Variants in PCDH9 observed in about 807,000 individuals in gnomAD.
The protein encoded by PCDH9 is protocadherin-9.
A neutral mutation model predicts 70.6 loss-of-function variants in PCDH9; 24 were observed. That is an observed-to-expected ratio of 0.34 (90% CI 0.25 to 0.48). The LOEUF (loss-of-function observed/expected upper bound fraction) is 0.48. Among genes scored for constraint, PCDH9 ranks in the 20% least tolerant of loss-of-function variants. The pLI is 0.99. For synonymous variants in PCDH9, 562 were observed against 558.5 expected, an observed-to-expected ratio of 1.01 and a Z score of -0.09; for missense variants, 1,281 against 1,503.6, an observed-to-expected ratio of 0.85 and a Z score of 2.45.
intron 2 of PCDH9, among the ~76,000 whole-genome samples, chr13:67,196,058 T>A (rs1381004609): frequency 6.6e-6 from 1 of 152,198 alleles, no homozygotes; most frequent in Non-Finnish European, 1.5e-5. Flanking sequence ...GGTCACTTAA[T>A]CGGTGATAGT....
chr13:67,177,122 T>C (rs2088483513), intron 2 of PCDH9, among the ~76,000 whole-genome samples: 1 of 152,152 alleles, frequency 6.6e-6, no homozygotes, highest in Non-Finnish European at 1.5e-5. Context: ...ATTATTTCTA[T>C]GACTACTTAG....
At chr13:66,680,176 G>A (rs1235934494) in intron 3 of PCDH9, among the ~76,000 whole-genome samples, 1 of 151,876 alleles carries the variant, frequency 6.6e-6, no homozygotes, top group Admixed American at 6.6e-5. Context: ...GTTTTATATT[G>A]TGTCTATCTT....
chr13:66,444,344 ACAT>A (rs557315860), intron 4 of PCDH9, among the ~76,000 whole-genome samples: 6 of 152,162 alleles, frequency 3.9e-5, no homozygotes, highest in Non-Finnish European at 7.3e-5. Context: ...CAGTTGTAAG[ACAT>A]CATTAGAATT....
intron 4 of PCDH9, among the ~76,000 whole-genome samples, chr13:66,457,619 T>A (rs906010383): frequency 6.6e-6 from 1 of 152,020 alleles, no homozygotes; most frequent in Admixed American, 6.6e-5. Context: ...CACCCCATAA[T>A]AATTAAATCA....
chr13:66,736,231 A>AG (rs762282930), intron 3 of PCDH9, among the ~76,000 whole-genome samples: 4 of 152,116 alleles, frequency 2.6e-5, no homozygotes, highest in Admixed American at 6.6e-5. Context: ...AACCCCCCAT[A>AG]GCTCAGCTGT....
intron 2 of PCDH9, among the ~76,000 whole-genome samples, chr13:67,131,738 A>C (rs1206477865): frequency 1.3e-5 from 2 of 152,226 alleles, no homozygotes; most frequent in African/African-American, 2.4e-5. Context: ...TTATTTTCAC[A>C]CAATTTTTAG....
At chr13:66,793,446 G>T (rs1566197989) in intron 3 of PCDH9, among the ~76,000 whole-genome samples, 1 of 151,994 alleles carries the variant, frequency 6.6e-6, no homozygotes, top group African/African-American at 2.4e-5. Flanking sequence ...AAAGCCCAAG[G>T]TATAAATTAA....
intron 4 of PCDH9, among the ~76,000 whole-genome samples, chr13:66,533,198 G>A (rs958938871): frequency 5.3e-5 from 8 of 151,852 alleles, no homozygotes; most frequent in Non-Finnish European, 1.0e-4. Flanking sequence ...GATAATCATG[G>A]GTATATTCCA....
intron 4 of PCDH9, among the ~76,000 whole-genome samples, chr13:66,618,633 C>A (rs965351212): frequency 1.3e-5 from 2 of 151,904 alleles, no homozygotes. Flanking sequence ...TAATTTTATA[C>A]TTCTAAGAGT....
chr13:66,673,673 A>C (rs2078207352), intron 3 of PCDH9, among the ~76,000 whole-genome samples: 1 of 152,150 alleles, frequency 6.6e-6, no homozygotes, highest in Non-Finnish European at 1.5e-5. Flanking sequence ...ACTATGAAAC[A>C]ATACATTTTT....
chr13:66,386,734 A>G (rs1331887158), intron 4 of PCDH9, among the ~76,000 whole-genome samples: 1 of 152,162 alleles, frequency 6.6e-6, no homozygotes, highest in Non-Finnish European at 1.5e-5. Flanking sequence ...GTGCTCTTCA[A>G]CATCACTGAG....
chr13:66,572,419 A>T (rs2076745550), intron 4 of PCDH9, among the ~76,000 whole-genome samples: 1 of 151,980 alleles, frequency 6.6e-6, no homozygotes, highest in African/African-American at 2.4e-5. Context: ...TACCTCCATG[A>T]GATCAATTTT....
chr13:67,203,831 T>A (rs942733752), intron 2 of PCDH9: 1 of 151,992 alleles, frequency 6.6e-6, no homozygotes, highest in Non-Finnish European at 1.5e-5. Context: ...AAATAATCAA[T>A]TTGCAATAAT....
At chr13:66,733,314 T>C (rs1489902439) in intron 3 of PCDH9, among the ~76,000 whole-genome samples, 1 of 152,162 alleles carries the variant, frequency 6.6e-6, no homozygotes, top group Admixed American at 6.5e-5. Context: ...TTTTATTAGG[T>C]GTAGCCACAA....
chr13:66,566,349 A>G (rs1021797671), intron 4 of PCDH9, among the ~76,000 whole-genome samples: 2 of 152,200 alleles, frequency 1.3e-5, no homozygotes, highest in African/African-American at 4.8e-5. Context: ...TCCATAAAAT[A>G]TAAGGAGAGC....
intron 4 of PCDH9, among the ~76,000 whole-genome samples, chr13:66,520,410 T>G (rs1216030308): frequency 1.3e-5 from 2 of 152,056 alleles, no homozygotes; most frequent in African/African-American, 2.4e-5. Context: ...ATACTGTGAG[T>G]GAGATAAGAT....
chr13:66,498,290 G>A (rs928846602), intron 4 of PCDH9, among the ~76,000 whole-genome samples: 11 of 151,628 alleles, frequency 7.3e-5, no homozygotes, highest in African/African-American at 2.4e-4. Context: ...GACTACAGGC[G>A]CCCACCACCA....
At position 66,914,011 on chromosome 13, in the gene PCDH9, T is replaced by G. The variant is rs373873839; in HGVS notation, c.3037-10406A>C. Among the ~76,000 whole-genome samples, 170 of 152,102 alleles carry G rather than the reference T, an allele frequency of 1.1e-3. 1 individual carries two copies. The highest frequency in any genetic ancestry group is 3.9e-3 in the African/African-American group (160 of 41,534). On this transcript the variant is annotated intron_variant, in intron 2 of 4. Transcript: ENST00000377865. ...GCTTTGAATACCTTTTGGAATAGTT[T>G]AGAATAAATCAGGCCAAATTAAAGA...
intron 4 of PCDH9, among the ~76,000 whole-genome samples, chr13:66,499,465 C>A (rs1452902159): frequency 6.6e-6 from 1 of 152,108 alleles, no homozygotes; most frequent in Non-Finnish European, 1.5e-5. Flanking sequence ...ATGTGACCTG[C>A]ACACTTCTTG....
Sources: gnomAD v4.1 joint callset for allele counts (sites outside exome capture counted in the v4.1 genomes callset) on GRCh38, gnomAD v4.1.1 for gene constraint, MANE v1.5 for transcripts, NCBI Gene and HGNC (gene_info 2026-07-23, HGNC 2026-07-21) for gene names.